The following NTAQ1 variants were observed in gnomAD, a reference collection of about 807,000 sequenced individuals.
NTAQ1 encodes N-terminal glutamine amidase 1, also known as protein N-terminal glutamine amidohydrolase.
Under a neutral mutation model 28.2 loss-of-function variants are expected in NTAQ1, and 21 were observed. The observed-to-expected ratio is 0.74, with a 90% CI of 0.53 to 1.07. The LOEUF (loss-of-function observed/expected upper bound fraction) is 1.07. Among genes scored for constraint, NTAQ1 ranks in the 50% least tolerant of loss-of-function variants. The pLI is 0.00. For synonymous variants in NTAQ1, 105 were observed against 90.0 expected (o/e 1.17, Z -0.94); for missense variants, 264 against 256.6 (o/e 1.03, Z -0.20).
chr8:123,446,667 C>A (rs1252529286), downstream of NTAQ1, among the ~76,000 whole-genome samples: 1 of 152,206 alleles, frequency 6.6e-6, no homozygotes, highest in African/African-American at 2.4e-5. Flanking sequence ...CTCCTCCACT[C>A]ATCGGAGCCG....
downstream of NTAQ1, among the ~76,000 whole-genome samples, chr8:123,442,833 G>A (rs1179199193): frequency 2.9e-5 from 4 of 139,116 alleles, no homozygotes; most frequent in Admixed American, 2.9e-4. Context: ...CATGCCCAGC[G>A]AATTTTTGTA....
At chr8:123,458,252 TCAA>T (rs909054350) in intron 6 of NTAQ1, among the ~76,000 whole-genome samples, 3 of 151,082 alleles carry the variant, frequency 2.0e-5, no homozygotes, top group Non-Finnish European at 4.4e-5. Context: ...TTTTTTTTTT[TCAA>T]ACAAACACAA....
chr8:123,460,744 G>A (rs1815798246), intron 6 of NTAQ1, among the ~76,000 whole-genome samples: 1 of 152,236 alleles, frequency 6.6e-6, no homozygotes, highest in South Asian at 2.1e-4. Flanking sequence ...AGCTGGGGGA[G>A]ACCTGCATGC....
downstream of NTAQ1, among the ~76,000 whole-genome samples, chr8:123,473,786 C>G (rs1291882724): frequency 1.3e-5 from 2 of 152,146 alleles, no homozygotes; most frequent in Admixed American, 1.3e-4. Flanking sequence ...AGCTCTGCCA[C>G]TCACTAGAAA....
chr8:123,416,816 C>A lies in NTAQ1; in HGVS notation c.-34C>A. On this transcript the variant is annotated 5_prime_UTR_variant, in exon 1 of 6. Transcript: ENST00000287387. ...TCCTACGTCTGGTCCAGTCGGTCTT[C>A]CTCCGGCCCGGGCCCTGGCCCAGCT... The A allele has an allele frequency of 6.6e-7, 1 of 1,518,126 alleles. No individual in the cohort carries two copies. The highest frequency in any genetic ancestry group is 8.8e-7 in the Non-Finnish European group (1 of 1,133,668). The allele number at this position is 1,518,126 out of a possible 1,614,324, so 94.0% of individuals were successfully genotyped here.
chr8:123,420,513 A>G (rs1046939226), intron 1 of NTAQ1, among the ~76,000 whole-genome samples: 3 of 151,752 alleles, frequency 2.0e-5, no homozygotes, highest in Non-Finnish European at 4.4e-5. Flanking sequence ...CAGTGGCTTA[A>G]CTAATTTACA....
chr8:123,436,610 A>G lies in NTAQ1; in HGVS notation c.383+9A>G, dbSNP rs539021069. 2 of 1,605,920 alleles carry G rather than the reference A, an allele frequency of 1.2e-6. No individual in the cohort carries two copies. Among genetic ancestry groups the G allele is most frequent in the African/African-American group, 1.3e-5 (1 of 74,678 alleles). ...CACCCACAGTTTAGGAGGTGAGGAC[A>G]TTCAAGATGGATTTACTTATTTTCT... On this transcript the variant is annotated intron_variant, in intron 4 of 5. Coordinates refer to ENST00000287387, the MANE Select transcript of NTAQ1 (RefSeq NM_018024.3).
In NTAQ1 at chr8:123,455,421, ATT is replaced by A. The variant is rs925294146; in HGVS notation, c.373-11636_373-11635del. Among the ~76,000 whole-genome samples the A allele has an allele frequency of 4.6e-3, 532 of 115,434 alleles. 5 individuals carry two copies. The highest frequency in any genetic ancestry group is 0.014 in the African/African-American group (398 of 29,092). The allele number at this position is 115,434 out of a possible 152,430, so 75.7% of individuals were successfully genotyped here. A position where few individuals can be genotyped will look rare whatever the true frequency, so the allele number is the denominator to read the frequency against. On this transcript the variant is annotated intron_variant, in intron 6 of 6. Coordinates refer to the NTAQ1 transcript ENST00000650311. ...ATATCCTCAAACCCCATGCCCAGAA[ATT>A]TTTTTTTTTTTTTTTTTTTTTGAGA...
chr8:123,437,232 G>C lies in NTAQ1; in HGVS notation c.406G>C (p.Asp136His). The part of the protein sequence containing the change: ...FRRKFRVIRA[D>H]SYLKNFASDR... ...CAGGAAATTTAGAGTGATCCGTGCA[G>C]ATTCATATTTGAAGAACTTTGCTTC... The change falls in exon 5 of 6, where the codon GAT becomes CAT. Residue 136 changes from aspartate to histidine, a missense_variant. Transcript: ENST00000287387. 2 of 1,614,132 alleles carry C rather than the reference G, an allele frequency of 1.2e-6. No homozygotes were observed. The highest frequency in any genetic ancestry group is 1.7e-6 in the Non-Finnish European group (2 of 1,179,986).
At chr8:123,461,551 C>T (rs1815825399) in intron 6 of NTAQ1, among the ~76,000 whole-genome samples, 1 of 152,158 alleles carries the variant, frequency 6.6e-6, no homozygotes, top group Admixed American at 6.5e-5. Context: ...TAGCCCCAGC[C>T]TGGTGTTGTC....
intron 5 of NTAQ1, among the ~76,000 whole-genome samples, chr8:123,437,702 CAAA>C (rs67334148): frequency 1.5e-5 from 2 of 137,166 alleles, no homozygotes; most frequent in Non-Finnish European, 1.6e-5. Context: ...GACTCCATCT[CAAA>C]AAAAAAAAAA....
chr8:123,468,791 G>A (rs973678465), exon 7 of NTAQ1, among the ~76,000 whole-genome samples: 1 of 152,160 alleles, frequency 6.6e-6, no homozygotes, highest in African/African-American at 2.4e-5. Flanking sequence ...CCTCCATTCT[G>A]TTTTCCATGG....
At chr8:123,462,445 C>G (rs543484719) in intron 6 of NTAQ1, among the ~76,000 whole-genome samples, 1 of 152,234 alleles carries the variant, frequency 6.6e-6, no homozygotes, top group East Asian at 1.9e-4. Context: ...CTCAGATACT[C>G]TAGGGCAGTA....
chr8:123,429,925 A>G (rs1333783283), intron 2 of NTAQ1, 58 bp from the exon 3 acceptor site: 4 of 1,208,874 alleles, frequency 3.3e-6, no homozygotes, highest in Non-Finnish European at 4.7e-6. Flanking sequence ...AAAAAGGAAA[A>G]TAATTTAGTA....
intron 3 of NTAQ1, among the ~76,000 whole-genome samples, chr8:123,435,274 A>T (rs1291093359): frequency 6.6e-6 from 1 of 152,170 alleles, no homozygotes; most frequent in African/African-American, 2.4e-5. Context: ...GAGAATTAAC[A>T]TCCACACTGT....
chr8:123,458,645 G>A (rs1815725975), intron 6 of NTAQ1, among the ~76,000 whole-genome samples: 1 of 148,828 alleles, frequency 6.7e-6, no homozygotes, highest in Non-Finnish European at 1.5e-5. Context: ...TTTTTGAATC[G>A]GAGTCTCGTT....
downstream of NTAQ1, among the ~76,000 whole-genome samples, chr8:123,445,793 A>T (rs1815256586): frequency 6.6e-6 from 1 of 151,636 alleles, no homozygotes; most frequent in Non-Finnish European, 1.5e-5. Flanking sequence ...TTTAATAGAG[A>T]CAGGGTTTCA....
At chr8:123,449,963 ATATATATATAT>A (rs1254425357), downstream of NTAQ1, among the ~76,000 whole-genome samples, 53 of 56,062 alleles carry the variant, frequency 9.5e-4, 10 homozygotes, top group East Asian at 2.4e-3. Flanking sequence ...ATATATATAT[ATATATATATAT>A]GCTGGATAAA....
chr8:123,453,523 G>A (rs779383307), intron 6 of NTAQ1, among the ~76,000 whole-genome samples: 1 of 151,688 alleles, frequency 6.6e-6, no homozygotes. Context: ...CTGCCTCTCA[G>A]GTTCAAGTGA....
Sources: gnomAD v4.1 joint callset for allele counts (sites outside exome capture counted in the v4.1 genomes callset) on GRCh38, gnomAD v4.1.1 for gene constraint, MANE v1.5 for transcripts, NCBI Gene and HGNC (gene_info 2026-07-23, HGNC 2026-07-21) for gene names.